Variants in NBAS observed in about 807,000 individuals in gnomAD.
NBAS encodes the protein NAG/BC035112 fusion.
NBAS carries 219 observed loss-of-function variants against 302.5 expected under a neutral mutation model. The observed-to-expected ratio is 0.72, with a 90% CI of 0.65 to 0.81. NBAS has a LOEUF of 0.81. Among genes scored for constraint, NBAS ranks in the 30% least tolerant of loss-of-function variants. NBAS has a pLI of 0.00. For missense variants in NBAS, 2,932 were observed against 2,841.6 expected (o/e 1.03, Z -0.72); for synonymous variants, 1,118 against 1,021.6 (o/e 1.09, Z -1.80).
At chr2:14,941,316 C>T in the NBAS span, among the ~76,000 whole-genome samples, 1 of 152,182 alleles carries the variant, frequency 6.6e-6, no homozygotes, top group African/African-American at 2.4e-5. Context: ...CTCTTTTCCA[C>T]CCAGAGCAAT....
At chr2:15,328,348 A>G (rs1672174014) in intron 36 of NBAS, 36 bp from the exon 37 acceptor site, 3 of 1,530,160 alleles carry the variant, frequency 2.0e-6, no homozygotes, top group East Asian at 2.2e-5. Flanking sequence ...ATGGATAAAA[A>G]GAAAGAGAAG....
At chr2:15,289,176 A>T (rs182297775) in intron 41 of NBAS, among the ~76,000 whole-genome samples, 256 of 152,280 alleles carry the variant, frequency 1.7e-3, no homozygotes, top group Non-Finnish European at 2.9e-3. Flanking sequence ...TCCCAGGCTC[A>T]AGCCATCCAC....
the NBAS span, among the ~76,000 whole-genome samples, chr2:15,077,000 T>C: frequency 6.6e-6 from 1 of 152,242 alleles, no homozygotes; most frequent in Non-Finnish European, 1.5e-5. Flanking sequence ...CTCTTCTATA[T>C]GTTGTTTCAA....
At chr2:15,387,047 A>T (rs1325139487) in intron 28 of NBAS, among the ~76,000 whole-genome samples, 1 of 152,058 alleles carries the variant, frequency 6.6e-6, no homozygotes, top group Admixed American at 6.6e-5. Flanking sequence ...AATGTAAATA[A>T]CAATTCGTAA....
At chr2:14,811,868 G>A in the NBAS span, among the ~76,000 whole-genome samples, 5 of 152,168 alleles carry the variant, frequency 3.3e-5, no homozygotes, top group African/African-American at 4.8e-5. Context: ...GCTATAGTGG[G>A]TTAGGAAAAA....
At chr2:14,837,354 T>C in the NBAS span, among the ~76,000 whole-genome samples, 1 of 151,934 alleles carries the variant, frequency 6.6e-6, no homozygotes, top group Non-Finnish European at 1.5e-5. Flanking sequence ...ATTTTAGAAA[T>C]GGAAGTCCTT....
At chr2:14,883,331 G>A in the NBAS span, among the ~76,000 whole-genome samples, 54 of 152,262 alleles carry the variant, frequency 3.5e-4, no homozygotes, top group Non-Finnish European at 7.5e-4. Flanking sequence ...TAGTACTAAT[G>A]TTGTAGTTTA....
At chr2:15,556,114 T>C (rs999884784) in intron 3 of NBAS, among the ~76,000 whole-genome samples, 1 of 151,980 alleles carries the variant, frequency 6.6e-6, no homozygotes, top group Non-Finnish European at 1.5e-5. Flanking sequence ...CACACATACA[T>C]AGAGTAAAAG....
chr2:15,522,742 C>T (rs906050922), intron 9 of NBAS, among the ~76,000 whole-genome samples: 3 of 152,186 alleles, frequency 2.0e-5, no homozygotes, highest in African/African-American at 7.2e-5. Context: ...GGGTTATGGG[C>T]GCCAGCCCCC....
chr2:15,479,286 C>A (rs1195023286), intron 12 of NBAS, among the ~76,000 whole-genome samples: 1 of 152,088 alleles, frequency 6.6e-6, no homozygotes, highest in Non-Finnish European at 1.5e-5. Context: ...TTTACTTAAT[C>A]ATAAGAAACG....
At chr2:15,537,063 T>G (rs760596492) in intron 7 of NBAS, among the ~76,000 whole-genome samples, 7 of 152,206 alleles carry the variant, frequency 4.6e-5, no homozygotes, top group Non-Finnish European at 7.3e-5. Flanking sequence ...TGCTAAAGAT[T>G]TGAAGGCCTG....
chr2:14,834,605 A>C, the NBAS span, among the ~76,000 whole-genome samples: 1 of 152,186 alleles, frequency 6.6e-6, no homozygotes, highest in Non-Finnish European at 1.5e-5. Flanking sequence ...ACACACAGGA[A>C]GACTACAGTA....
the NBAS span, among the ~76,000 whole-genome samples, chr2:15,011,250 T>G: frequency 1.3e-5 from 2 of 152,142 alleles, no homozygotes; most frequent in South Asian, 4.1e-4. Context: ...GTGGTCAGGT[T>G]GAAGTGCTGG....
chr2:15,009,184 G>T, the NBAS span, among the ~76,000 whole-genome samples: 2 of 152,100 alleles, frequency 1.3e-5, no homozygotes, highest in African/African-American at 2.4e-5. Flanking sequence ...AAGGTTTGTG[G>T]ACTGAGACAA....
the NBAS span, among the ~76,000 whole-genome samples, chr2:14,939,781 G>T: frequency 6.6e-6 from 1 of 152,202 alleles, no homozygotes; most frequent in East Asian, 1.9e-4. Context: ...GGATATATGT[G>T]CATTTTCCTG....
the NBAS span, among the ~76,000 whole-genome samples, chr2:14,889,711 C>G: frequency 6.6e-6 from 1 of 152,162 alleles, no homozygotes; most frequent in Non-Finnish European, 1.5e-5. Context: ...TGCAGGTCTT[C>G]CAATGGCTAG....
chr2:15,339,217 C>T (rs1208942365), intron 35 of NBAS, among the ~76,000 whole-genome samples: 2 of 151,886 alleles, frequency 1.3e-5, no homozygotes, highest in African/African-American at 4.8e-5. Context: ...TCTAGATGAA[C>T]CCACAAAGTA....
At chr2:14,840,844 C>A in the NBAS span, among the ~76,000 whole-genome samples, 1 of 151,676 alleles carries the variant, frequency 6.6e-6, no homozygotes, top group East Asian at 1.9e-4. Flanking sequence ...GGTATAAAAC[C>A]CACTGGTACA....
At chr2:15,258,669 T>C (rs1188996609) in intron 44 of NBAS, among the ~76,000 whole-genome samples, 1 of 152,238 alleles carries the variant, frequency 6.6e-6, no homozygotes, top group East Asian at 1.9e-4. Flanking sequence ...TCAGACCAGT[T>C]GTCTGCTCTC....
Sources: gnomAD v4.1 joint callset for allele counts (sites outside exome capture counted in the v4.1 genomes callset) on GRCh38, gnomAD v4.1.1 for gene constraint, MANE v1.5 for transcripts, NCBI Gene and HGNC (gene_info 2026-07-23, HGNC 2026-07-21) for gene names.